Variants in TSKS observed in about 807,000 individuals in gnomAD.
The protein encoded by TSKS is testis-specific serine kinase substrate.
Under a neutral mutation model 68.0 loss-of-function variants are expected in TSKS, and 27 were observed. The ratio of observed to expected loss-of-function variants is 0.40; its 90% CI spans 0.29 to 0.55. The LOEUF is 0.55. Ranked by LOEUF, TSKS falls within the 20% of genes least tolerant of loss-of-function variation. The probability of loss-of-function intolerance (pLI) is 0.53; values close to 1 mark genes in which losing one functional copy is unlikely to be tolerated. For synonymous variants in TSKS, 331 were observed against 340.4 expected (o/e 0.97, Z 0.30); for missense variants, 806 against 776.0 (o/e 1.04, Z -0.46).
At chr19:49,745,523 C>T (rs1245346201) in intron 6 of TSKS, 127 bp from the exon 7 acceptor site, 1 of 765,002 alleles carries the variant, frequency 1.3e-6, no homozygotes, top group African/African-American at 1.8e-5. Context: ...GGCTCCAGAC[C>T]CACCCAGGTC....
At chr19:49,753,890 A>T (rs931981927) in intron 2 of TSKS, among the ~76,000 whole-genome samples, 13 of 145,186 alleles carry the variant, frequency 9.0e-5, no homozygotes, top group South Asian at 2.2e-4. Context: ...TTTTTATTGT[A>T]TTTTTTTTTT....
At position 49,748,400 on chromosome 19, in the gene TSKS, C is replaced by T; in HGVS notation, c.469G>A (p.Val157Ile). 6.2e-7 allele frequency: 1 copy of T among 1,614,194 alleles called. No individual in the cohort carries two copies. Among genetic ancestry groups the T allele is most frequent in the Non-Finnish European group, 8.5e-7 (1 of 1,180,030 alleles). ...TGCAGAGACTGCACGTGCTGGTTAACCCGGTTGGTCTTTTCCTTCAAGCTG... is the reference window on the plus strand; with the variant it reads ...TGCAGAGACTGCACGTGCTGGTTAATCCGGTTGGTCTTTTCCTTCAAGCTG... The part of the protein sequence containing the change: ...ITSLKEKTNR[V>I]NQHVQSLQSE... Residue 157 changes from valine (V) to isoleucine (I), a missense_variant, in exon 3 of 11, where the codon GTT becomes ATT. Coordinates refer to ENST00000246801, the MANE Select transcript of TSKS (RefSeq NM_021733.2).
chr19:49,757,960 G>A (rs368003296), intron 2 of TSKS, among the ~76,000 whole-genome samples: 2 of 148,404 alleles, frequency 1.3e-5, no homozygotes, highest in Non-Finnish European at 3.0e-5. Flanking sequence ...GCACGATCTC[G>A]GCTCTCTGCA....
At chr19:49,747,157 G>C (rs1435985335) in intron 5 of TSKS, 1 of 1,536,166 alleles carries the variant, frequency 6.5e-7, no homozygotes, top group Admixed American at 2.0e-5. Flanking sequence ...CTGAAGTCCA[G>C]CTCGATTCTC....
intron 2 of TSKS, among the ~76,000 whole-genome samples, chr19:49,760,305 T>C (rs2084429660): frequency 6.6e-6 from 1 of 152,094 alleles, no homozygotes; most frequent in Non-Finnish European, 1.5e-5. Flanking sequence ...ACCCTGTCTC[T>C]ACAAAAATTA....
intron 9 of TSKS, among the ~76,000 whole-genome samples, chr19:49,741,129 G>C (rs929159045): frequency 2.0e-5 from 3 of 152,104 alleles, no homozygotes; most frequent in African/African-American, 7.2e-5. Context: ...AGTGAGCCGA[G>C]ATTGCGCCAC....
chr19:49,742,999 G>A (rs2123599560), intron 8 of TSKS, among the ~76,000 whole-genome samples: 1 of 151,714 alleles, frequency 6.6e-6, no homozygotes, highest in Middle Eastern at 3.5e-3. Flanking sequence ...TTCCCCCTCA[G>A]TGCACTGAAA....
intron 2 of TSKS, among the ~76,000 whole-genome samples, chr19:49,759,532 G>A (rs2084422690): frequency 6.6e-6 from 1 of 151,544 alleles, no homozygotes; most frequent in Non-Finnish European, 1.5e-5. Context: ...CTACTCGGGA[G>A]GCTGAGGTGG....
chr19:49,762,948 C>T (rs1189348230), intron 1 of TSKS, 130 bp downstream of exon 1: 1 of 1,168,596 alleles, frequency 8.6e-7, no homozygotes, highest in Non-Finnish European at 1.2e-6. Context: ...TTCACTGCTG[C>T]CCTCTTTCCT....
intron 2 of TSKS, among the ~76,000 whole-genome samples, chr19:49,760,674 C>A (rs973126544): frequency 6.6e-6 from 1 of 151,996 alleles, no homozygotes; most frequent in African/African-American, 2.4e-5. Flanking sequence ...CCTGTGGTCC[C>A]AGCTACTCAG....
At chr19:49,758,858 G>A (rs921578109) in intron 2 of TSKS, among the ~76,000 whole-genome samples, 52 of 151,398 alleles carry the variant, frequency 3.4e-4, no homozygotes, top group South Asian at 1.7e-3. Flanking sequence ...TACCTTAGTT[G>A]TTTCTTTTTT....
chr19:49,755,950 G>A (rs1443688020), intron 2 of TSKS, among the ~76,000 whole-genome samples: 12 of 151,992 alleles, frequency 7.9e-5, no homozygotes, highest in South Asian at 2.1e-4. Flanking sequence ...GCAGTGAGCC[G>A]AGATCGTGCC....
intron 7 of TSKS, among the ~76,000 whole-genome samples, 172 bp downstream of exon 7, chr19:49,745,030 T>C (rs947517322): frequency 6.6e-6 from 1 of 152,096 alleles, no homozygotes; most frequent in Non-Finnish European, 1.5e-5. Context: ...CAGGCCTTAT[T>C]AGGGCTGATG....
Position 49,746,817 on chromosome 19 carries a change from C to CG in TSKS, c.664-20dup, listed in dbSNP as rs746259254. 1.1e-5 allele frequency: 17 copies of CG among 1,594,620 alleles called. No individual in the cohort carries two copies. The highest frequency in any genetic ancestry group is 8.4e-5 in the Admixed American group (5 of 59,730). ...GCTTCTCCTGGGTGGTAAGGGAGGA[C>CG]GGGGTCACAGCGTCCAGCCGCTTTC... On this transcript the variant is annotated intron_variant, in intron 5 of 10. Coordinates refer to ENST00000246801, the MANE Select transcript of TSKS (RefSeq NM_021733.2).
chr19:49,741,542 C>A lies in TSKS; in HGVS notation c.1497+343G>T, dbSNP rs73064029. On this transcript the variant is annotated intron_variant, in intron 9 of 10. Transcript: ENST00000246801. Reference sequence around the variant, plus strand: ...ACCCCAATGATCTTGTACAATGCACCGCCTCTCTAAAAGTTTAGAGAAAAT... The same window carrying A: ...ACCCCAATGATCTTGTACAATGCACAGCCTCTCTAAAAGTTTAGAGAAAAT... Among the ~76,000 whole-genome samples, 8 of 152,136 alleles carry A rather than the reference C, an allele frequency of 5.3e-5. 1 individual carries two copies. The highest frequency in any genetic ancestry group is 1.9e-4 in the African/African-American group (8 of 41,492).
chr19:49,752,886 G>A (rs936859646), intron 2 of TSKS, among the ~76,000 whole-genome samples: 7 of 152,196 alleles, frequency 4.6e-5, no homozygotes, highest in Admixed American at 6.5e-5. Context: ...ACCTTGAAAC[G>A]CTGCACAAGC....
intron 2 of TSKS, among the ~76,000 whole-genome samples, chr19:49,761,623 C>T (rs1327868353): frequency 6.6e-6 from 1 of 152,180 alleles, no homozygotes; most frequent in Non-Finnish European, 1.5e-5. Flanking sequence ...TGGCCTGTTT[C>T]CTGAGCCCAG....
At position 49,763,137 on chromosome 19, in the gene TSKS, C is replaced by G; in HGVS notation, c.111G>C (p.Arg37=). The G allele has an allele frequency of 6.2e-7, 1 of 1,611,944 alleles. No homozygotes were observed. Among genetic ancestry groups the G allele is most frequent in the Non-Finnish European group, 8.5e-7 (1 of 1,178,996 alleles). Reference sequence around the variant, plus strand: ...TCCCCTTGGCCCGGCTGGTCACCCTCCGGGGAGCCTCTGGGACTAGCTGGG... The same window carrying G: ...TCCCCTTGGCCCGGCTGGTCACCCTGCGGGGAGCCTCTGGGACTAGCTGGG... ...SCSQLVPEAP[R]RVTSRAKGIP... is the part of the protein sequence containing the mutation. Residue 37 remains arginine (R), a synonymous_variant, in exon 1 of 11, where the codon CGG becomes CGC. Coordinates refer to ENST00000246801, the MANE Select transcript of TSKS (RefSeq NM_021733.2). This position sits in a 1 kb window ranked among gnomAD's most constrained non-coding sequence, Gnocchi z 4.5.
intron 6 of TSKS, 36 bp downstream of exon 6, chr19:49,746,434 C>G (rs2084300833): frequency 6.2e-7 from 1 of 1,610,982 alleles, no homozygotes; most frequent in Admixed American, 1.7e-5. Context: ...CCCCGCCGAT[C>G]TCGTTTTCGA....
Sources: gnomAD v4.1 joint callset for allele counts (sites outside exome capture counted in the v4.1 genomes callset) on GRCh38, gnomAD v4.1.1 for gene constraint, Gnocchi (gnomAD v3.1) non-coding constraint, MANE v1.5 for transcripts, NCBI Gene and HGNC (gene_info 2026-07-23, HGNC 2026-07-21) for gene names.